MAGI2: variants seen among roughly 807,000 people sequenced by gnomAD.
MAGI2 encodes membrane associated guanylate kinase, WW and PDZ domain containing 2, also known as membrane-associated guanylate kinase, WW and PDZ domain-containing protein 2.
A neutral mutation model predicts 133.3 loss-of-function variants in MAGI2; 35 were observed. The ratio of observed to expected loss-of-function variants is 0.26; its 90% CI spans 0.20 to 0.35. MAGI2 has a LOEUF of 0.35. Among genes scored for constraint, MAGI2 ranks in the 10% least tolerant of loss-of-function variants. The probability of loss-of-function intolerance (pLI) is 1.00; values close to 1 mark genes in which losing one functional copy is unlikely to be tolerated. For synonymous variants in MAGI2, 729 were observed against 710.6 expected, an observed-to-expected ratio of 1.03 and a Z score of -0.41; for missense variants, 1,636 against 1,863.4, an observed-to-expected ratio of 0.88 and a Z score of 2.25.
chr7:79,408,958 C>T (rs1292853286), intron 1 of MAGI2, among the ~76,000 whole-genome samples: 4 of 152,052 alleles, frequency 2.6e-5, no homozygotes, highest in African/African-American at 9.7e-5. Flanking sequence ...GTTTAACATG[C>T]ACAGAAATTG....
chr7:78,871,226 G>A (rs1795006186), intron 2 of MAGI2, among the ~76,000 whole-genome samples: 1 of 152,058 alleles, frequency 6.6e-6, no homozygotes, highest in Non-Finnish European at 1.5e-5. Flanking sequence ...CAGGAGAATG[G>A]CGTGAACCCA....
Position 78,160,077 on chromosome 7 carries a change from G to A in MAGI2, c.2793C>T (p.Phe931=), listed in dbSNP as rs587780387. 1.1e-5 allele frequency: 18 copies of A among 1,605,614 alleles called. 1 individual carries two copies. The South Asian group carries it at 1.3e-4, about 12-fold the overall frequency. ...VVIHRKENEG[F]GFVIISSLNR... Reference sequence around the variant, plus strand: ...TCAGGGAGCTGATGATGACAAAGCCGAAGCCCTCATTCTCTTTGCGGTGAA... The same window carrying A: ...TCAGGGAGCTGATGATGACAAAGCCAAAGCCCTCATTCTCTTTGCGGTGAA... The change falls in exon 16 of 22, where the codon TTC becomes TTT. Residue 931 remains phenylalanine (F), a synonymous_variant. Coordinates refer to ENST00000354212, the MANE Select transcript of MAGI2 (RefSeq NM_012301.4).
intron 1 of MAGI2, among the ~76,000 whole-genome samples, chr7:79,277,344 T>A (rs978124183): frequency 6.6e-6 from 1 of 152,176 alleles, no homozygotes; most frequent in Non-Finnish European, 1.5e-5. Context: ...TGTGTTTTTT[T>A]AGACATAATG....
chr7:79,259,835 C>A (rs550633828), intron 1 of MAGI2, among the ~76,000 whole-genome samples: 2 of 152,252 alleles, frequency 1.3e-5, no homozygotes, highest in Non-Finnish European at 2.9e-5. Context: ...CTGTTTAACA[C>A]AAAATGGTGG....
intron 19 of MAGI2, 70 bp downstream of exon 19, chr7:78,127,127 T>G (rs1272195708): frequency 8.1e-7 from 1 of 1,228,228 alleles, no homozygotes; most frequent in Non-Finnish European, 1.1e-6. Context: ...CCTCTGCCTC[T>G]CCTATTTCAT....
At chr7:79,070,301 T>C (rs1050113035) in intron 1 of MAGI2, among the ~76,000 whole-genome samples, 3 of 151,770 alleles carry the variant, frequency 2.0e-5, no homozygotes, top group South Asian at 2.1e-4. Flanking sequence ...TCTTTGTTCA[T>C]TTCTTTTCAT....
intron 21 of MAGI2, among the ~76,000 whole-genome samples, chr7:78,060,639 G>A (rs1584977507): frequency 6.6e-6 from 1 of 152,346 alleles, no homozygotes; most frequent in South Asian, 2.1e-4. Flanking sequence ...CTTGGGAAAG[G>A]ATTCATGGAG....
intron 6 of MAGI2, among the ~76,000 whole-genome samples, chr7:78,429,516 A>G (rs995884995): frequency 3.3e-5 from 5 of 152,126 alleles, no homozygotes; most frequent in Non-Finnish European, 7.4e-5. Context: ...ATAGACTGAT[A>G]AAGGGATTAA....
At chr7:78,324,892 G>C (rs1357650560) in intron 9 of MAGI2, among the ~76,000 whole-genome samples, 1 of 152,024 alleles carries the variant, frequency 6.6e-6, no homozygotes, top group Non-Finnish European at 1.5e-5. Flanking sequence ...CTTGAACCCG[G>C]GAGGCAGAGG....
intron 2 of MAGI2, among the ~76,000 whole-genome samples, chr7:78,915,334 A>G (rs1432591307): frequency 6.6e-6 from 1 of 152,268 alleles, no homozygotes; most frequent in East Asian, 1.9e-4. Context: ...GTTTGAATGA[A>G]TACTAGGGAG....
chr7:79,260,354 C>A (rs2129556346), intron 1 of MAGI2, among the ~76,000 whole-genome samples: 1 of 149,158 alleles, frequency 6.7e-6, no homozygotes, highest in South Asian at 2.1e-4. Flanking sequence ...AGACCCCCAT[C>A]TCTAAGTAAA....
At chr7:78,089,595 T>C (rs1281102744) in intron 20 of MAGI2, among the ~76,000 whole-genome samples, 1 of 152,246 alleles carries the variant, frequency 6.6e-6, no homozygotes, top group Non-Finnish European at 1.5e-5. Flanking sequence ...ATGTGTCGCC[T>C]CTATACCATT....
chr7:78,747,004 A>G (rs896301630), intron 2 of MAGI2, among the ~76,000 whole-genome samples: 4 of 152,174 alleles, frequency 2.6e-5, no homozygotes, highest in African/African-American at 7.2e-5. Flanking sequence ...AGACCTTCAA[A>G]TTGTCAAAAA....
rs1447409417 is a variant in MAGI2 at position 78,802,040 on chromosome 7, G to A, written c.419-174801C>T. On this transcript the variant is annotated intron_variant, in intron 2 of 21. Transcript: ENST00000354212. The stretch of plus-strand genomic sequence containing the variant: ...AATAATCCATTATCAAGAGTTTTCT[G>A]TTCTTCCAGATCAAGGGCTTTCCTT... Among the ~76,000 whole-genome samples the A allele has an allele frequency of 2.0e-5, 3 of 152,206 alleles. No homozygotes were observed. The South Asian group carries it at 6.2e-4, about 32-fold the overall frequency.
intron 2 of MAGI2, among the ~76,000 whole-genome samples, chr7:78,753,087 G>A (rs1451355532): frequency 6.6e-6 from 1 of 152,112 alleles, no homozygotes; most frequent in African/African-American, 2.4e-5. Context: ...AGGACAGAAT[G>A]AGACATATGA....
At chr7:78,994,706 A>T (rs1562763660) in intron 2 of MAGI2, among the ~76,000 whole-genome samples, 1 of 152,100 alleles carries the variant, frequency 6.6e-6, no homozygotes, top group Non-Finnish European at 1.5e-5. Flanking sequence ...AAGGGTTTGT[A>T]TAACCTCTCC....
rs557911655 is a variant in MAGI2, at chr7:78,556,110, A to T, written c.539-34465T>A. 3.3e-3 allele frequency among the ~76,000 whole-genome samples: 502 copies of T among 152,064 alleles called. 3 individuals carry two copies. Among genetic ancestry groups the T allele is most frequent in the African/African-American group, 0.011 (467 of 41,544 alleles). ...CTTACCAGTTTATATTTTTCCAAAA[A>T]GTATATATATATATGATAGCTTATA... On this transcript the variant is annotated intron_variant, in intron 3 of 21. Coordinates refer to ENST00000354212, the MANE Select transcript of MAGI2 (RefSeq NM_012301.4).
intron 1 of MAGI2, among the ~76,000 whole-genome samples, chr7:79,027,963 C>T (rs9691529): frequency 0.59 from 88,991 of 151,250 alleles, 26,484 homozygotes; most frequent in East Asian, 0.64. Context: ...CAGTAAAAAA[C>T]ATATCTTTGG....
intron 6 of MAGI2, among the ~76,000 whole-genome samples, chr7:78,457,984 TC>T (rs1789497308): frequency 1.3e-5 from 2 of 152,126 alleles, no homozygotes; most frequent in Non-Finnish European, 2.9e-5. Context: ...GAATTTATAG[TC>T]TACACATAGT....
Sources: allele counts gnomAD v4.1 joint callset (sites outside exome capture counted in the v4.1 genomes callset), GRCh38; gene constraint gnomAD v4.1.1; transcripts MANE v1.5; gene names NCBI Gene and HGNC (gene_info 2026-07-23, HGNC 2026-07-21).